Variants in SPTBN4 observed in about 807,000 individuals in gnomAD.
SPTBN4 encodes spectrin beta chain, non-erythrocytic 4.
A neutral mutation model predicts 277.8 loss-of-function variants in SPTBN4; 96 were observed. The observed-to-expected ratio is 0.35, with a 90% CI of 0.29 to 0.41. SPTBN4 has a LOEUF of 0.41. Among genes scored for constraint, SPTBN4 ranks in the 10% least tolerant of loss-of-function variants. The pLI is 1.00. For synonymous variants in SPTBN4, 1,481 were observed against 1,580.3 expected, an observed-to-expected ratio of 0.94 and a Z score of 1.49; for missense variants, 3,006 against 3,595.7, an observed-to-expected ratio of 0.84 and a Z score of 4.19.
intron 30 of SPTBN4, 55 bp from the exon 31 acceptor site, chr19:40,567,608 C>CG: frequency 2.8e-5 from 39 of 1,371,250 alleles, no homozygotes; most frequent in Non-Finnish European, 3.3e-5. Flanking sequence ...GGACCTCCCC[C>CG]TTACCCCGCC....
At chr19:40,513,641 C>G in intron 14 of SPTBN4, 87 bp downstream of exon 14, 1 of 1,327,586 alleles carries the variant, frequency 7.5e-7, no homozygotes. Context: ...CATGTTTGCT[C>G]AGCTGGAACT....
At position 40,554,675 on chromosome 19, in the gene SPTBN4, A is replaced by AATTT. The variant is rs1309207619; in HGVS notation, c.5084+31_5084+32insTTAT. 6 of 1,593,088 alleles carry AATTT rather than the reference A, an allele frequency of 3.8e-6. No homozygotes were observed. Among genetic ancestry groups the AATTT allele is most frequent in the Non-Finnish European group, 5.1e-6 (6 of 1,171,068 alleles). On this transcript the variant is annotated intron_variant, in intron 24 of 35. Coordinates refer to ENST00000598249, the MANE Select transcript of SPTBN4 (RefSeq NM_020971.3). The surrounding 1 kb of genome is among the most constrained non-coding windows in gnomAD (Gnocchi z 5.7). ...GGCGGGCGCGTGGCCAGTTCACAGG[A>AATTT]ATGGTCCAGCAGGACCTGAAGCTTC...
rs147141267 is a variant in SPTBN4, at chr19:40,560,317, C to T, written c.5829C>T (p.Asp1943=). Residue 1943 remains aspartate, a synonymous_variant, in exon 27 of 36, where the codon GAC becomes GAT. Coordinates refer to ENST00000598249, the MANE Select transcript of SPTBN4 (RefSeq NM_020971.3). The surrounding 1 kb of genome is among the most constrained non-coding windows in gnomAD (Gnocchi z 5.2). ...DARLHVSSTA[D]ALRFHSQVRD... ...GCCTGCATGTCAGCTCCACAGCCGA[C>T]GCCCTGCGCTTCCACAGCCAAGTCC... 3.4e-5 allele frequency: 55 copies of T among 1,614,104 alleles called. No homozygotes were observed. Among genetic ancestry groups the T allele is most frequent in the Admixed American group, 3.2e-4 (19 of 60,034 alleles).
chr19:40,558,356 C>CA (rs879732971), intron 26 of SPTBN4, among the ~76,000 whole-genome samples: 128 of 124,956 alleles, frequency 1.0e-3, no homozygotes, highest in Middle Eastern at 4.4e-3. Flanking sequence ...GACTCCATCT[C>CA]AAAAAAAAAA....
intron 26 of SPTBN4, among the ~76,000 whole-genome samples, chr19:40,559,640 C>T (rs916055338): frequency 1.2e-4 from 19 of 152,096 alleles, no homozygotes; most frequent in African/African-American, 4.6e-4. Context: ...AGAGCAAGAC[C>T]CTGTCTCAGA....
At chr19:40,497,316 T>C (rs934016386) in intron 6 of SPTBN4, 173 bp from the exon 7 acceptor site, 6 of 600,812 alleles carry the variant, frequency 1.0e-5, no homozygotes, top group African/African-American at 1.8e-5. Context: ...CCCGCGTCCA[T>C]CACACTCACA....
chr19:40,493,096 G>A, intron 5 of SPTBN4, 42 bp downstream of exon 5: 2 of 1,584,152 alleles, frequency 1.3e-6, no homozygotes, highest in Non-Finnish European at 1.7e-6. Context: ...TAGGCAAGTG[G>A]TCCCCTAACC....
chr19:40,568,923 C>T (rs1303772546), intron 31 of SPTBN4, among the ~76,000 whole-genome samples: 1 of 152,098 alleles, frequency 6.6e-6, no homozygotes, highest in Non-Finnish European at 1.5e-5. Flanking sequence ...TGCTGAGTGC[C>T]CACTCTGCCT....
rs1304926697 is a variant in SPTBN4, at chr19:40,560,479, C to A, written c.5915+76C>A. ...CAGCCACCCCCAGCCCATTGACAGC[C>A]CCCTTCTCAATGGAATGACAACAGC... is the stretch of plus-strand genomic sequence containing the variant. On this transcript the variant is annotated intron_variant, in intron 27 of 35. Transcript: ENST00000598249. This position sits in a 1 kb window ranked among gnomAD's most constrained non-coding sequence, Gnocchi z 5.2. The A allele has an allele frequency of 6.2e-7, 1 of 1,606,394 alleles. No homozygotes were observed. Among genetic ancestry groups the A allele is most frequent in the East Asian group, 2.2e-5 (1 of 44,742 alleles).
At chr19:40,510,183 TCA>T (rs2080375420) in intron 13 of SPTBN4, among the ~76,000 whole-genome samples, 1 of 152,120 alleles carries the variant, frequency 6.6e-6, no homozygotes, top group Non-Finnish European at 1.5e-5. Context: ...TCTCTGAGGC[TCA>T]GTCTCTTAAT....
At chr19:40,566,647 A>G (rs951626103) in intron 30 of SPTBN4, among the ~76,000 whole-genome samples, 2 of 152,070 alleles carry the variant, frequency 1.3e-5, no homozygotes, top group African/African-American at 2.4e-5. Flanking sequence ...AGACTTGAAT[A>G]ATTAGGTGAA....
chr19:40,570,366 A>T, intron 32 of SPTBN4, 70 bp from the exon 33 acceptor site: 1 of 1,004,570 alleles, frequency 1.0e-6, no homozygotes, highest in East Asian at 3.2e-5. Flanking sequence ...CAGACCCATG[A>T]CTCCCCCAAA....
At chr19:40,556,059 C>T (rs2080975031) in intron 24 of SPTBN4, 25 bp from the exon 25 acceptor site, 1 of 1,597,090 alleles carries the variant, frequency 6.3e-7, no homozygotes, top group Non-Finnish European at 8.5e-7. Context: ...GGGGTCCATC[C>T]CTGCCCCTCC....
Position 40,519,734 on chromosome 19 carries a change from C to T in SPTBN4, c.3237C>T (p.Ala1079=), listed in dbSNP as rs548377540. Residue 1079 remains alanine (A), a synonymous_variant, in exon 16 of 36, where the codon GCC becomes GCT. Transcript: ENST00000598249. This position sits in a 1 kb window ranked among gnomAD's most constrained non-coding sequence, Gnocchi z 5.7. The part of the protein sequence containing the change: ...EWGALASAAQ[A]CGEAVAAAGR... The stretch of plus-strand genomic sequence containing the variant: ...GCGCGCTAGCTAGCGCGGCTCAGGC[C>T]TGCGGCGAGGCGGTGGCGGCAGCAG... 18 of 1,408,328 alleles carry T rather than the reference C, an allele frequency of 1.3e-5. No homozygotes were observed. The highest frequency in any genetic ancestry group is 3.4e-5 in the Admixed American group (1 of 29,390). 87.2% of individuals were successfully genotyped at this position (1,408,328 alleles called of 1,614,324 possible). A position where few individuals can be genotyped will look rare whatever the true frequency, so the allele number is the denominator to read the frequency against.
intron 4 of SPTBN4, among the ~76,000 whole-genome samples, chr19:40,491,627 A>T (rs113091900): frequency 1.5e-4 from 23 of 149,496 alleles, no homozygotes; most frequent in African/African-American, 5.0e-4. Flanking sequence ...CTGTAATCCC[A>T]GCGACTCAGG....
chr19:40,474,151 CAAAAAAAAAAAA>C (rs71173641), intron 2 of SPTBN4, among the ~76,000 whole-genome samples: 2 of 34,448 alleles, frequency 5.8e-5, no homozygotes, highest in African/African-American at 2.6e-4. Flanking sequence ...GAACCTATCT[CAAAAAAAAAAAA>C]AAAAAAAAAA....
intron 20 of SPTBN4, among the ~76,000 whole-genome samples, chr19:40,547,892 A>C (rs892714912): frequency 6.6e-6 from 1 of 152,102 alleles, no homozygotes; most frequent in Non-Finnish European, 1.5e-5. Context: ...ATTTTTCTCC[A>C]TCCCAACATT....
Position 40,504,145 on chromosome 19 carries a change from G to A in SPTBN4, c.1665+13G>A. ...GGAGGAGATGCAGGTGCCGGCGGGG[G>A]GGCGGGGATGCGGGTGGAGTGCCAG... On this transcript the variant is annotated intron_variant, in intron 12 of 35. Transcript: ENST00000598249. 4 of 1,188,218 alleles carry A rather than the reference G, an allele frequency of 3.4e-6. No homozygotes were observed. The highest frequency in any genetic ancestry group is 1.3e-5 in the South Asian group (1 of 78,006). The allele number at this position is 1,188,218 out of a possible 1,614,324, so 73.6% of individuals were successfully genotyped here.
intron 17 of SPTBN4, among the ~76,000 whole-genome samples, chr19:40,526,003 C>T (rs568785117): frequency 4.6e-5 from 7 of 152,128 alleles, no homozygotes; most frequent in African/African-American, 1.2e-4. Context: ...GGAGTTTCCA[C>T]ATCCGCCAAG....
Sources: allele counts gnomAD v4.1 joint callset (sites outside exome capture counted in the v4.1 genomes callset), GRCh38; gene constraint gnomAD v4.1.1; non-coding constraint Gnocchi (gnomAD v3.1); transcripts MANE v1.5; gene names NCBI Gene and HGNC (gene_info 2026-07-23, HGNC 2026-07-21).